Variants in VIPR1 observed in about 807,000 individuals in gnomAD.
The protein encoded by VIPR1 is vasoactive intestinal peptide receptor 1.
In VIPR1, 59 loss-of-function variants were observed where a neutral mutation model predicts 58.8. The ratio of observed to expected loss-of-function variants is 1.00; its 90% CI spans 0.81 to 1.25. The LOEUF is 1.25. Ranked by LOEUF, VIPR1 falls within the 50% of genes most tolerant of loss-of-function variation. VIPR1 has a pLI of 0.00. For synonymous variants in VIPR1, 251 were observed against 242.1 expected (o/e 1.04, Z -0.34); for missense variants, 626 against 602.7 (o/e 1.04, Z -0.40).
intron 10 of VIPR1, 55 bp from the exon 11 acceptor site, chr3:42,534,920 C>G: frequency 9.4e-6 from 15 of 1,599,650 alleles, no homozygotes; most frequent in Non-Finnish European, 1.2e-5. Context: ...CACACCCTAT[C>G]ATATCCACAT....
intron 3 of VIPR1, among the ~76,000 whole-genome samples, chr3:42,520,201 G>A (rs555817667): frequency 5.3e-5 from 8 of 152,308 alleles, no homozygotes; most frequent in South Asian, 4.1e-4. Flanking sequence ...AGGAAGTTCC[G>A]TGAAGGCCAG....
At chr3:42,502,614 C>G, upstream of VIPR1, 1 of 767,082 alleles carries the variant, frequency 1.3e-6, no homozygotes, top group East Asian at 3.8e-5. Context: ...AGCTGCGCCT[C>G]TTAGCTCTGG....
intron 1 of VIPR1, chr3:42,513,365 A>T (rs534197700): frequency 1.7e-5 from 3 of 181,270 alleles, no homozygotes; most frequent in African/African-American, 2.4e-5. Flanking sequence ...GGCCCCACTC[A>T]TCAGGGAGAT....
Position 42,535,010 on chromosome 3 carries a change from T to G in VIPR1, c.1046T>G (p.Leu349Arg). 2.5e-6 allele frequency: 4 copies of G among 1,614,156 alleles called. No homozygotes were observed. The highest frequency in any genetic ancestry group is 3.4e-6 in the Non-Finnish European group (4 of 1,180,002). ...LARSTLLLIP[L>R]FGVHYIMFAF... ...AGGTCCACACTCCTGCTGATCCCCC[T>G]GTTTGGAGTACACTACATCATGTTC... Residue 349 changes from leucine (L) to arginine (R), a missense_variant, in exon 11 of 13, where the codon CTG (leucine) becomes CGG (arginine). Physicochemically the swap from Leu to Arg is moderately radical, Grantham distance 102 (BLOSUM62 -2). Transcript: ENST00000325123.
chr3:42,490,800 G>C lies in VIPR1; in HGVS notation c.-245+1122G>C, dbSNP rs1186070192. Among the ~76,000 whole-genome samples the C allele has an allele frequency of 2.6e-5, 4 of 152,244 alleles. No individual in the cohort carries two copies. In the East Asian group the frequency reaches 7.7e-4, roughly 29 times the overall value. On this transcript the variant is annotated intron_variant, in intron 1 of 13. Transcript: ENST00000433647. ...AGAGGTGGGGAGCCATGGGAATACC[G>C]GGGAAGAGCATTCCAAGTAGAGGGA...
chr3:42,515,693 C>T (rs1184081183), intron 2 of VIPR1, among the ~76,000 whole-genome samples: 1 of 152,242 alleles, frequency 6.6e-6, no homozygotes, highest in Admixed American at 6.5e-5. Flanking sequence ...CGTGTTCATG[C>T]ACATCTAGGT....
At position 42,522,801 on chromosome 3, in the gene VIPR1, G is replaced by A. The variant is rs115833571; in HGVS notation, c.293-3086G>A. 1.8e-3 allele frequency among the ~76,000 whole-genome samples: 275 copies of A among 152,312 alleles called. 1 individual carries two copies. The highest frequency in any genetic ancestry group is 6.2e-3 in the African/African-American group (259 of 41,570). ...GACTGGTGACTGATGGGGGAGAGGA[G>A]GGAGAGGATTATTCCTCAATTCCTG... On this transcript the variant is annotated intron_variant, in intron 3 of 12. Coordinates refer to ENST00000325123, the MANE Select transcript of VIPR1 (RefSeq NM_004624.4).
chr3:42,534,803 T>C lies in VIPR1; in HGVS notation c.1011-172T>C, dbSNP rs906599452. 4 of 812,992 alleles carry C rather than the reference T, an allele frequency of 4.9e-6. No individual in the cohort carries two copies. The South Asian group carries it at 5.8e-5, about 12-fold the overall frequency. The allele number at this position is 812,992 out of a possible 1,614,324, so 50.4% of individuals were successfully genotyped here. On this transcript the variant is annotated intron_variant, in intron 10 of 12. Coordinates refer to ENST00000325123, the MANE Select transcript of VIPR1 (RefSeq NM_004624.4). ...GGCAGAAGGGCAGAGGCACTGCAGC[T>C]GTGGAACAGGAGCAGACAAGGGCAT...
chr3:42,530,845 G>A lies in VIPR1; in HGVS notation c.703G>A (p.Val235Met). 2 of 1,614,128 alleles carry A rather than the reference G, an allele frequency of 1.2e-6. No homozygotes were observed. The highest frequency in any genetic ancestry group is 1.7e-6 in the Non-Finnish European group (2 of 1,179,996). ...CATGGCTAACTTCTTCTGGCTGCTG[G>A]TGGAGGGCCTCTACCTGTACACCCT... ...CVMANFFWLL[V>M]EGLYLYTLLA... The change falls in exon 7 of 13, where the codon GTG becomes ATG. Residue 235 changes from valine (V) to methionine (M), a missense_variant. Val to Met is a conservative substitution (Grantham distance 21). Transcript: ENST00000325123.
chr3:42,499,835 C>CTCAGCAGA (rs557285099), upstream of VIPR1, among the ~76,000 whole-genome samples: 63 of 152,306 alleles, frequency 4.1e-4, no homozygotes, highest in African/African-American at 1.5e-3. Context: ...GGATGGCTTC[C>CTCAGCAGA]TCAGCAGATT....
chr3:42,519,292 C>T lies in VIPR1; in HGVS notation c.254C>T (p.Ala85Val), dbSNP rs1302172467. 2 of 1,610,590 alleles carry T rather than the reference C, an allele frequency of 1.2e-6. No individual in the cohort carries two copies. Among genetic ancestry groups the T allele is most frequent in the East Asian group, 4.5e-5 (2 of 44,596 alleles). The change falls in exon 3 of 13, where the codon GCC becomes GTC. Residue 85 changes from alanine to valine, a missense_variant. Coordinates refer to ENST00000325123, the MANE Select transcript of VIPR1 (RefSeq NM_004624.4). ...ATPRGQVVVL[A>V]CPLIFKLFSS... ...CCTCGGGGCCAGGTAGTTGTCTTGG[C>T]CTGTCCCCTCATCTTCAAGCTCTTC...
upstream of VIPR1, among the ~76,000 whole-genome samples, chr3:42,498,811 G>A (rs781342812): frequency 5.3e-5 from 8 of 152,136 alleles, no homozygotes; most frequent in East Asian, 5.8e-4. Context: ...AGATGAGTGC[G>A]GGTGTTGAGA....
intron 10 of VIPR1, chr3:42,533,065 G>A (rs1701657211): frequency 6.6e-6 from 1 of 152,518 alleles, no homozygotes; most frequent in South Asian, 2.1e-4. Context: ...TGAAGACAGA[G>A]CTAAAGAAAC....
intron 1 of VIPR1, among the ~76,000 whole-genome samples, chr3:42,494,860 C>T (rs1016509635): frequency 6.6e-6 from 1 of 151,988 alleles, no homozygotes; most frequent in African/African-American, 2.4e-5. Context: ...ACAAATTTTC[C>T]TCCAGTTACT....
At position 42,535,046 on chromosome 3, in the gene VIPR1, C is replaced by A; in HGVS notation, c.1082C>A (p.Pro361Gln). 1 of 1,614,188 alleles carries A rather than the reference C, an allele frequency of 6.2e-7. No individual in the cohort carries two copies. The highest frequency in any genetic ancestry group is 8.5e-7 in the Non-Finnish European group (1 of 1,180,028). ...CACTACATCATGTTCGCCTTCTTTC[C>A]GGACAATTTTAAGCCTGAAGTGAAG... ...GVHYIMFAFFPDNFKPEVKMV... is the reference protein window; with the variant it reads ...GVHYIMFAFFQDNFKPEVKMV... The change falls in exon 11 of 13, where the codon CCG becomes CAG. Residue 361 changes from proline (P) to glutamine (Q), a missense_variant. Pro to Gln is a moderately conservative substitution (Grantham distance 76). Transcript: ENST00000325123.
At chr3:42,530,404 G>A (rs1701469744) in intron 6 of VIPR1, 1 of 219,784 alleles carries the variant, frequency 4.5e-6, no homozygotes, top group South Asian at 7.7e-5. Context: ...GATGATGGAT[G>A]GACACATGGA....
intron 1 of VIPR1, among the ~76,000 whole-genome samples, chr3:42,495,112 A>C (rs755295938): frequency 6.0e-5 from 9 of 151,218 alleles, no homozygotes; most frequent in Non-Finnish European, 1.0e-4. Context: ...TATTTGCTGT[A>C]GTTTTTTAAC....
chr3:42,499,683 C>T (rs1699830089), upstream of VIPR1, among the ~76,000 whole-genome samples: 1 of 152,132 alleles, frequency 6.6e-6, no homozygotes, highest in African/African-American at 2.4e-5. Flanking sequence ...AGGCAGACTC[C>T]AGAGGGGCTT....
chr3:42,489,852 T>C (rs1298257697), intron 1 of VIPR1, among the ~76,000 whole-genome samples: 1 of 152,178 alleles, frequency 6.6e-6, no homozygotes, highest in East Asian at 1.9e-4. Context: ...TACCCTCAAA[T>C]GTGGTCTTAG....
Sources: allele counts gnomAD v4.1 joint callset (sites outside exome capture counted in the v4.1 genomes callset), GRCh38; gene constraint gnomAD v4.1.1; transcripts MANE v1.5; gene names NCBI Gene and HGNC (gene_info 2026-07-23, HGNC 2026-07-21).